BAZ1A: variants seen among roughly 807,000 people sequenced by gnomAD.
BAZ1A encodes bromodomain adjacent to zinc finger domain protein 1A.
In BAZ1A, 50 loss-of-function variants were observed where a neutral mutation model predicts 185.2. The ratio of observed to expected loss-of-function variants is 0.27; its 90% CI spans 0.22 to 0.34. The LOEUF (loss-of-function observed/expected upper bound fraction) is 0.34. BAZ1A is among the 10% of genes least tolerant of loss of function. BAZ1A has a pLI of 1.00. For synonymous variants in BAZ1A, 571 were observed against 615.6 expected, an observed-to-expected ratio of 0.93 and a Z score of 1.07; for missense variants, 1,356 against 1,839.9, an observed-to-expected ratio of 0.74 and a Z score of 4.81.
intron 3 of BAZ1A, among the ~76,000 whole-genome samples, chr14:34,858,846 TGAA>T (rs529601493): frequency 6.6e-6 from 1 of 152,044 alleles, no homozygotes; most frequent in East Asian, 1.9e-4. Flanking sequence ...GAGGAAGACA[TGAA>T]GAAGTAAAAG....
chr14:34,851,981 G>A (rs1484354074), intron 3 of BAZ1A, among the ~76,000 whole-genome samples: 1 of 152,014 alleles, frequency 6.6e-6, no homozygotes, highest in East Asian at 1.9e-4. Context: ...CAAAAAATTA[G>A]CCGGGCGTGG....
intron 2 of BAZ1A, among the ~76,000 whole-genome samples, chr14:34,869,861 C>T (rs1004637987): frequency 1.4e-4 from 22 of 152,112 alleles, no homozygotes; most frequent in Non-Finnish European, 2.6e-4. Context: ...GACTTCCATT[C>T]TCACCCTCTT....
chr14:34,867,866 T>C (rs1476354332), intron 2 of BAZ1A, among the ~76,000 whole-genome samples: 1 of 152,204 alleles, frequency 6.6e-6, no homozygotes, highest in African/African-American at 2.4e-5. Context: ...ATCATACACA[T>C]TTAAATGTGC....
chr14:34,819,294 G>C (rs1276085366), intron 4 of BAZ1A, among the ~76,000 whole-genome samples: 1 of 152,022 alleles, frequency 6.6e-6, no homozygotes, highest in African/African-American at 2.4e-5. Context: ...CCATGGATAT[G>C]GGAGCACTAC....
At position 34,785,849 on chromosome 14, in the gene BAZ1A, T is replaced by TA. The variant is rs1880405540; in HGVS notation, c.1758dup (p.Met587TyrfsTer21). ...CTGGGATTGCTCAAACGAAGCTCCA[T>TA]ACAAGCATCATCTGTAGCATCAAAT... is the stretch of plus-strand genomic sequence containing the variant. On this transcript the variant is annotated frameshift_variant, in exon 14 of 27. Transcript: ENST00000360310. LOFTEE classifies it high-confidence loss of function. 6.2e-7 allele frequency: 1 copy of TA among 1,613,990 alleles called. No individual in the cohort carries two copies. The highest frequency in any genetic ancestry group is 1.3e-5 in the African/African-American group (1 of 74,922).
chr14:34,792,036 G>T (rs1372140618), intron 12 of BAZ1A, among the ~76,000 whole-genome samples: 1 of 152,134 alleles, frequency 6.6e-6, no homozygotes, highest in African/African-American at 2.4e-5. Flanking sequence ...AAAACTGTCA[G>T]ATCTAAAATG....
At chr14:34,799,548 C>A (rs1881390770) in intron 9 of BAZ1A, among the ~76,000 whole-genome samples, 1 of 152,056 alleles carries the variant, frequency 6.6e-6, no homozygotes, top group African/African-American at 2.4e-5. Context: ...TCACTGGAAA[C>A]CACAATCAAA....
intron 17 of BAZ1A, among the ~76,000 whole-genome samples, chr14:34,776,746 T>C (rs958210694): frequency 5.9e-5 from 9 of 152,152 alleles, no homozygotes; most frequent in Non-Finnish European, 1.0e-4. Flanking sequence ...TCCAACATGA[T>C]TGGTGTTCTT....
intron 3 of BAZ1A, among the ~76,000 whole-genome samples, chr14:34,846,702 T>C (rs2042517713): frequency 6.6e-6 from 1 of 152,184 alleles, no homozygotes; most frequent in South Asian, 2.1e-4. Context: ...GGGTTCTAAA[T>C]GTTAACTGTT....
intron 6 of BAZ1A, among the ~76,000 whole-genome samples, chr14:34,806,358 T>A (rs1353662484): frequency 6.6e-6 from 1 of 152,146 alleles, no homozygotes; most frequent in East Asian, 1.9e-4. Flanking sequence ...ATAGTTAACG[T>A]GTCATGGGGG....
At chr14:34,762,298 T>C in intron 23 of BAZ1A, 75 bp from the exon 24 acceptor site, 2 of 1,385,894 alleles carry the variant, frequency 1.4e-6, no homozygotes, top group Non-Finnish European at 2.0e-6. Flanking sequence ...TTCTCCTTGT[T>C]GTATTTAGCC....
At chr14:34,826,436 C>T (rs1315003873) in intron 3 of BAZ1A, among the ~76,000 whole-genome samples, 1 of 151,982 alleles carries the variant, frequency 6.6e-6, no homozygotes, top group Admixed American at 6.5e-5. Flanking sequence ...TCTTCTAGTT[C>T]CTTAGGTTGT....
At chr14:34,843,109 AGGGAC>A in intron 3 of BAZ1A, among the ~76,000 whole-genome samples, 1 of 146,312 alleles carries the variant, frequency 6.8e-6, no homozygotes, top group African/African-American at 2.5e-5. Flanking sequence ...TAAGAAAACT[AGGGAC>A]TGGCTAAAAA....
intron 12 of BAZ1A, among the ~76,000 whole-genome samples, chr14:34,790,262 A>G (rs1880755952): frequency 1.3e-5 from 2 of 151,548 alleles, no homozygotes; most frequent in South Asian, 4.2e-4. Flanking sequence ...TCAAACTCCC[A>G]GGGTCAAACA....
At chr14:34,802,067 T>G (rs17102754) in intron 7 of BAZ1A, among the ~76,000 whole-genome samples, 22,990 of 152,032 alleles carry the variant, frequency 0.15, 1,984 homozygotes, top group Admixed American at 0.27. Flanking sequence ...AAAAACAAAC[T>G]CTCAGCTTAC....
In BAZ1A at chr14:34,774,451, C is replaced by T. The variant is rs373450998; in HGVS notation, c.2873G>A (p.Gly958Glu). 4 of 1,610,202 alleles carry T rather than the reference C, an allele frequency of 2.5e-6. No homozygotes were observed. The highest frequency in any genetic ancestry group is 3.4e-6 in the Non-Finnish European group (4 of 1,178,426). The change falls in exon 19 of 27, where the codon GGA becomes GAA. Residue 958 changes from glycine to glutamate, a missense_variant. Transcript: ENST00000360310. ...TGGATCATATGCATTGGAAGATCTTCCCCGACTATATGTTGGTTTGCTATC... is the reference window on the plus strand; with the variant it reads ...TGGATCATATGCATTGGAAGATCTTTCCCGACTATATGTTGGTTTGCTATC... The part of the protein sequence containing the change: ...QPDSKPTYSR[G>E]RSSNAYDPSQ...
chr14:34,844,702 G>A (rs572530584), intron 3 of BAZ1A, among the ~76,000 whole-genome samples: 1 of 151,784 alleles, frequency 6.6e-6, no homozygotes, highest in South Asian at 2.1e-4. Context: ...CCAGAAGTTC[G>A]AGGTTACAGA....
At chr14:34,844,154 A>C (rs2783751) in intron 3 of BAZ1A, among the ~76,000 whole-genome samples, 144,404 of 144,456 alleles carry the variant, frequency 1, 72,176 homozygotes, top group Middle Eastern at 1. Flanking sequence ...TGCAGTGAGC[A>C]GAGATCGCGC....
chr14:34,868,946 T>C (rs944559626), intron 2 of BAZ1A, among the ~76,000 whole-genome samples: 28 of 150,694 alleles, frequency 1.9e-4, no homozygotes, highest in South Asian at 1.3e-3. Flanking sequence ...TGTATATATA[T>C]ACATAATATA....
Sources: gnomAD v4.1 joint callset for allele counts (sites outside exome capture counted in the v4.1 genomes callset) on GRCh38, gnomAD v4.1.1 for gene constraint, MANE v1.5 for transcripts, NCBI Gene and HGNC (gene_info 2026-07-23, HGNC 2026-07-21) for gene names.